VWC2: variants seen among roughly 807,000 people sequenced by gnomAD.
VWC2 encodes von Willebrand factor C domain containing 2.
VWC2 carries 14 observed loss-of-function variants against 29.8 expected under a neutral mutation model. That is an observed-to-expected ratio of 0.47 (90% CI 0.31 to 0.74). The LOEUF (loss-of-function observed/expected upper bound fraction) is 0.74. Among genes scored for constraint, VWC2 ranks in the 30% least tolerant of loss-of-function variants. The pLI is 0.05. For missense variants in VWC2, 457 were observed against 459.8 expected (o/e 0.99, Z 0.05); for synonymous variants, 213 against 199.0 (o/e 1.07, Z -0.59).
chr7:49,919,894 T>C lies in VWC2; in HGVS notation c.*7709T>C, dbSNP rs928756828. On this transcript the variant is annotated 3_prime_UTR_variant, in exon 4 of 4. Transcript: ENST00000340652. ...TTGATACAAAAATCATTATGTTCTA[T>C]ATATGTTTTTGTAGGTTTTAGATTA... 1 of 152,220 alleles carries C rather than the reference T, an allele frequency of 6.6e-6. No homozygotes were observed. The highest frequency in any genetic ancestry group is 1.5e-5 in the Non-Finnish European group (1 of 68,034). The allele number at this position is 152,220 out of a possible 1,614,324, so 9.4% of individuals were successfully genotyped here. A position where few individuals can be genotyped will look rare whatever the true frequency, so the allele number is the denominator to read the frequency against.
intron 2 of VWC2, among the ~76,000 whole-genome samples, chr7:49,785,766 A>G (rs541165190): frequency 1.2e-4 from 18 of 152,344 alleles, no homozygotes; most frequent in South Asian, 8.3e-4. Flanking sequence ...GATGTATCCA[A>G]CAAAATTGTC....
intron 2 of VWC2, among the ~76,000 whole-genome samples, chr7:49,798,280 C>T (rs1291793622): frequency 1.3e-5 from 2 of 152,226 alleles, no homozygotes; most frequent in African/African-American, 2.4e-5. Flanking sequence ...CACCTCACTC[C>T]TAGACATTTG....
At chr7:49,825,427 G>A (rs1339992373) in intron 3 of VWC2, among the ~76,000 whole-genome samples, 1 of 152,160 alleles carries the variant, frequency 6.6e-6, no homozygotes, top group Non-Finnish European at 1.5e-5. Context: ...GGGTTCTGTT[G>A]TTGTTTCTTC....
intron 3 of VWC2, among the ~76,000 whole-genome samples, chr7:49,885,139 A>C (rs1008207014): frequency 3.9e-5 from 6 of 152,080 alleles, no homozygotes; most frequent in Non-Finnish European, 5.9e-5. Context: ...CTAAAGGAGA[A>C]ACAGAAAAAT....
intron 3 of VWC2, among the ~76,000 whole-genome samples, chr7:49,887,910 C>G (rs1179908205): frequency 6.6e-6 from 1 of 152,230 alleles, no homozygotes; most frequent in Non-Finnish European, 1.5e-5. Flanking sequence ...TGTATTTATT[C>G]ACAGTTCTCC....
intron 3 of VWC2, among the ~76,000 whole-genome samples, chr7:49,870,931 A>C (rs572247575): frequency 1.3e-5 from 2 of 152,232 alleles, no homozygotes; most frequent in Non-Finnish European, 2.9e-5. Context: ...GAACTGCTCC[A>C]GGAAATATGA....
At chr7:49,901,389 TTCAA>T (rs1792715814) in intron 3 of VWC2, among the ~76,000 whole-genome samples, 1 of 151,788 alleles carries the variant, frequency 6.6e-6, no homozygotes, top group Non-Finnish European at 1.5e-5. Context: ...ATAGACAAAA[TTCAA>T]TCACTTTCCT....
At chr7:49,811,127 T>A (rs958989247) in intron 3 of VWC2, among the ~76,000 whole-genome samples, 1 of 152,186 alleles carries the variant, frequency 6.6e-6, no homozygotes, top group Non-Finnish European at 1.5e-5. Flanking sequence ...GATAAAAGAC[T>A]TGTATCCAGG....
At chr7:49,836,576 T>C (rs1583660604) in intron 3 of VWC2, among the ~76,000 whole-genome samples, 1 of 149,830 alleles carries the variant, frequency 6.7e-6, no homozygotes, top group African/African-American at 2.5e-5. Flanking sequence ...GAGGCGGAGG[T>C]TTCAATGAGC....
At chr7:49,838,909 T>C (rs1789729316) in intron 3 of VWC2, among the ~76,000 whole-genome samples, 1 of 152,084 alleles carries the variant, frequency 6.6e-6, no homozygotes, top group Non-Finnish European at 1.5e-5. Context: ...CTGAATTGTG[T>C]CCTCCTAAAA....
intron 3 of VWC2, among the ~76,000 whole-genome samples, chr7:49,904,254 G>A (rs935927959): frequency 2.6e-5 from 4 of 152,038 alleles, no homozygotes; most frequent in African/African-American, 9.7e-5. Context: ...AAGCTTTACC[G>A]AGGACTCCCA....
At chr7:49,784,031 A>G (rs2128702110) in intron 2 of VWC2, among the ~76,000 whole-genome samples, 1 of 152,346 alleles carries the variant, frequency 6.6e-6, no homozygotes, top group South Asian at 2.1e-4. Context: ...TCCTGGGAAT[A>G]TGGAGGATAG....
rs1326541692 is a variant in VWC2, at chr7:49,919,883, A to G, written c.*7698A>G. The G allele has an allele frequency of 6.6e-6, 1 of 152,204 alleles. No individual in the cohort carries two copies. The highest frequency in any genetic ancestry group is 2.4e-5 in the African/African-American group (1 of 41,450). 9.4% of individuals were successfully genotyped at this position (152,204 alleles called of 1,614,324 possible). A position where few individuals can be genotyped will look rare whatever the true frequency, so the allele number is the denominator to read the frequency against. ...AATAAAGGAGCTTGATACAAAAATC[A>G]TTATGTTCTATATATGTTTTTGTAG... On this transcript the variant is annotated 3_prime_UTR_variant, in exon 4 of 4. Transcript: ENST00000340652.
chr7:49,826,286 A>C (rs561020751), intron 3 of VWC2, among the ~76,000 whole-genome samples: 1 of 152,222 alleles, frequency 6.6e-6, no homozygotes, highest in Non-Finnish European at 1.5e-5. Context: ...AAATGAAGAC[A>C]CAAGAAATCT....
chr7:49,813,171 G>C (rs1197729756), intron 3 of VWC2, among the ~76,000 whole-genome samples: 1 of 152,194 alleles, frequency 6.6e-6, no homozygotes, highest in Non-Finnish European at 1.5e-5. Context: ...CAGCTTCCCA[G>C]AAGATGGGGC....
chr7:49,819,544 T>C (rs1393924271), intron 3 of VWC2, among the ~76,000 whole-genome samples: 1 of 152,218 alleles, frequency 6.6e-6, no homozygotes, highest in African/African-American at 2.4e-5. Context: ...CATAGGTTTG[T>C]AGTGGGGAGA....
chr7:49,921,590 T>A lies in VWC2; in HGVS notation c.*9405T>A, dbSNP rs1288397419. 1 of 152,128 alleles carries A rather than the reference T, an allele frequency of 6.6e-6. No individual in the cohort carries two copies. Among genetic ancestry groups the A allele is most frequent in the Non-Finnish European group, 1.5e-5 (1 of 68,030 alleles). The allele number at this position is 152,128 out of a possible 1,614,324, so 9.4% of individuals were successfully genotyped here. A position where few individuals can be genotyped will look rare whatever the true frequency, so the allele number is the denominator to read the frequency against. On this transcript the variant is annotated 3_prime_UTR_variant, in exon 4 of 4. Transcript: ENST00000340652. ...GGTATCAACCACTAAGAGGATTAAA[T>A]GAGTGAATATTTGTAAAACACGTAG...
intron 2 of VWC2, among the ~76,000 whole-genome samples, chr7:49,802,135 A>G (rs1733983125): frequency 6.6e-6 from 1 of 152,158 alleles, no homozygotes; most frequent in African/African-American, 2.4e-5. Flanking sequence ...TTAATAAGAA[A>G]CCCAATATGC....
chr7:49,841,984 A>G (rs1340118325), intron 3 of VWC2, among the ~76,000 whole-genome samples: 1 of 151,932 alleles, frequency 6.6e-6, no homozygotes, highest in African/African-American at 2.4e-5. Flanking sequence ...CTCCTGTCTC[A>G]GCCTCCTGAG....
Sources: allele counts gnomAD v4.1 joint callset (sites outside exome capture counted in the v4.1 genomes callset), GRCh38; gene constraint gnomAD v4.1.1; transcripts MANE v1.5; gene names NCBI Gene and HGNC (gene_info 2026-07-23, HGNC 2026-07-21).